MADD: variants seen among roughly 807,000 people sequenced by gnomAD.
MADD encodes MAP kinase-activating death domain protein.
A neutral mutation model predicts 176.7 loss-of-function variants in MADD; 109 were observed. The ratio of observed to expected loss-of-function variants is 0.62; its 90% CI spans 0.53 to 0.72. The LOEUF (loss-of-function observed/expected upper bound fraction) is 0.72. Ranked by LOEUF, MADD falls within the 30% of genes least tolerant of loss-of-function variation. MADD has a pLI of 0.00. For missense variants in MADD, 1,914 were observed against 2,045.5 expected, an observed-to-expected ratio of 0.94 and a Z score of 1.24; for synonymous variants, 771 against 771.3, an observed-to-expected ratio of 1.00 and a Z score of 0.01.
intron 16 of MADD, 94 bp downstream of exon 17, chr11:47,289,587 C>A: frequency 9.7e-7 from 1 of 1,028,900 alleles, no homozygotes; most frequent in Non-Finnish European, 1.5e-6. Flanking sequence ...GGGAGAGAAG[C>A]TCTCAATGGG....
chr11:47,289,027 G>T, intron 15 of MADD: 3 of 1,593,060 alleles, frequency 1.9e-6, no homozygotes, highest in Middle Eastern at 1.7e-4. Flanking sequence ...GAGTGGTGAA[G>T]GTGGGTCTTG....
chr11:47,329,234 G>A, exon 33 of MADD: 1 of 1,035,942 alleles, frequency 9.7e-7, no homozygotes, highest in Admixed American at 1.7e-5. Context: ...TGCTGTGACT[G>A]AGGAGTGGAT....
rs1324972854 is a variant in MADD, at chr11:47,281,664, G to A, written c.1380G>A (p.Arg460=). ...AGGAGATCCCCCTTCTCTTGGGAAG[G>A]CCTTCTAATGACCTGCAGTCCACAC... The change falls in exon 8 of 33, where the codon AGG becomes AGA. Residue 460 remains arginine (R), a synonymous_variant. Coordinates refer to ENST00000402192, the Ensembl canonical transcript of MADD. 3.1e-6 allele frequency: 5 copies of A among 1,613,542 alleles called. No homozygotes were observed. The South Asian group carries it at 4.4e-5, about 14-fold the overall frequency.
At chr11:47,323,041 C>T (rs1018839499) in intron 27 of MADD, among the ~76,000 whole-genome samples, 3 of 152,104 alleles carry the variant, frequency 2.0e-5, no homozygotes, top group African/African-American at 2.4e-5. Flanking sequence ...AGTTCGAGAC[C>T]AGCCTGGCCA....
Position 47,297,435 on chromosome 11 carries a change from GTTTTC to G in MADD, c.3642+1395_3642+1399del, listed in dbSNP as rs1452414589. ...CTTTTGTGCTGACAGTTTATTAGGG[GTTTTC>G]TTTTCTTTTCTTTTTTTTTTTTTTG... On this transcript the variant is annotated intron_variant, in intron 22 of 32. Transcript: ENST00000402192. 4.3e-4 allele frequency among the ~76,000 whole-genome samples: 65 copies of G among 151,190 alleles called. 1 individual carries two copies. The highest frequency in any genetic ancestry group is 1.5e-3 in the African/African-American group (60 of 41,246).
intron 27 of MADD, among the ~76,000 whole-genome samples, chr11:47,316,427 C>T (rs1453265819): frequency 7.5e-6 from 1 of 134,002 alleles, no homozygotes; most frequent in Non-Finnish European, 1.5e-5. Context: ...CTCACTCTGT[C>T]GCCCAGGCTG....
intron 22 of MADD, among the ~76,000 whole-genome samples, chr11:47,297,404 A>G (rs186857390): frequency 4.8e-5 from 7 of 147,004 alleles, no homozygotes; most frequent in African/African-American, 1.5e-4. Flanking sequence ...TGAGTGATTG[A>G]TTTTTCTTTT....
rs370382902 is a variant in MADD, at chr11:47,276,829, C to T, written c.1061C>T (p.Pro354Leu). ...CTGGAGTATATGTTTCCTGTCATCC[C>T]GCTGCTACCCACCTGCATGGCATCA... Residue 354 changes from proline (P) to leucine (L), a missense_variant, in exon 5 of 33, where the codon CCG (proline) becomes CTG (leucine). Coordinates refer to ENST00000402192, the Ensembl canonical transcript of MADD. The T allele has an allele frequency of 6.2e-6, 10 of 1,614,162 alleles. No homozygotes were observed. The highest frequency in any genetic ancestry group is 3.3e-5 in the Admixed American group (2 of 60,024).
chr11:47,288,913 G>A (rs2062922274), intron 15 of MADD, 55 bp from the exon 16 acceptor site: 1 of 1,259,214 alleles, frequency 7.9e-7, no homozygotes, highest in East Asian at 2.4e-5. Context: ...CCTCGGAGGG[G>A]TAGAGGGGTT....
At chr11:47,301,753 A>G (rs983646896) in intron 22 of MADD, among the ~76,000 whole-genome samples, 4 of 152,094 alleles carry the variant, frequency 2.6e-5, no homozygotes, top group African/African-American at 9.7e-5. Context: ...GTTTCTTGTT[A>G]TTTATTTCTA....
In MADD at chr11:47,311,712, G is replaced by T; in HGVS notation, c.3979-20G>T. The T allele has an allele frequency of 6.8e-7, 1 of 1,475,534 alleles. No homozygotes were observed. The highest frequency in any genetic ancestry group is 2.3e-5 in the East Asian group (1 of 44,250). The allele number at this position is 1,475,534 out of a possible 1,614,324, so 91.4% of individuals were successfully genotyped here. A position where few individuals can be genotyped will look rare whatever the true frequency, so the allele number is the denominator to read the frequency against. On this transcript the variant is annotated intron_variant, in intron 25 of 32. Transcript: ENST00000402192. ...GAGGAGAGCAGATCCCTTGTTAAGA[G>T]TCATGTGTTGGCTTTTCAGGTAAAT...
chr11:47,321,459 C>A (rs2094460724), intron 27 of MADD, among the ~76,000 whole-genome samples: 2 of 152,180 alleles, frequency 1.3e-5, no homozygotes, highest in Non-Finnish European at 2.9e-5. Context: ...ATGCTAGGTA[C>A]TTTGTTGGGT....
chr11:47,306,662 T>C (rs140025272), intron 22 of MADD, among the ~76,000 whole-genome samples: 3,310 of 152,148 alleles, frequency 0.022, 57 homozygotes, highest in Middle Eastern at 0.078. Context: ...AGGCCTGATA[T>C]TGCCATCTGT....
chr11:47,328,700 C>G, exon 32 of MADD: 1 of 1,614,202 alleles, frequency 6.2e-7, no homozygotes, highest in Non-Finnish European at 8.5e-7. Flanking sequence ...TACAAGACAC[C>G]AATGGTGAGT....
At chr11:47,328,530 T>A in intron 31 of MADD, 128 bp from the exon 36 acceptor site, 1 of 1,532,970 alleles carries the variant, frequency 6.5e-7, no homozygotes, top group Non-Finnish European at 8.8e-7. Flanking sequence ...CCTAAGCTGC[T>A]GCAGCCACTG....
intron 3 of MADD, 73 bp from the exon 4 acceptor site, chr11:47,275,826 T>G: frequency 7.2e-7 from 1 of 1,384,088 alleles, no homozygotes; most frequent in South Asian, 1.3e-5. Flanking sequence ...AGAGCCTCTG[T>G]GGTGATACTG....
chr11:47,292,613 C>G lies in MADD; in HGVS notation c.3302-1270C>G. 1 of 1,613,732 alleles carries G rather than the reference C, an allele frequency of 6.2e-7. No homozygotes were observed. ...AAAAACAGAGTAAGGAACAAATGCC[C>G]TTTCCTGTTCCCAAGTCCTCCATAC... On this transcript the variant is annotated intron_variant, in intron 19 of 32. Coordinates refer to ENST00000402192, the Ensembl canonical transcript of MADD.
At chr11:47,279,074 A>C in exon 7 of MADD, 1 of 1,613,894 alleles carries the variant, frequency 6.2e-7, no homozygotes, top group Non-Finnish European at 8.5e-7. Flanking sequence ...AAAGCATTTA[A>C]AGCAGGTAGG....
At chr11:47,311,622 G>T in intron 25 of MADD, 110 bp from the exon 29 acceptor site, 1 of 703,130 alleles carries the variant, frequency 1.4e-6, no homozygotes, top group Non-Finnish European at 2.6e-6. Context: ...TGGTCTTTCA[G>T]AATTCCACTT....
Sources: allele counts gnomAD v4.1 joint callset (sites outside exome capture counted in the v4.1 genomes callset), GRCh38; gene constraint gnomAD v4.1.1; transcripts MANE v1.5; gene names NCBI Gene and HGNC (gene_info 2026-07-23, HGNC 2026-07-21).